MDGA2: variants seen among roughly 807,000 people sequenced by gnomAD.
The protein encoded by MDGA2 is MAM domain containing glycosylphosphatidylinositol anchor 2.
In MDGA2, 40 loss-of-function variants were observed where a neutral mutation model predicts 117.8. The observed-to-expected ratio is 0.34, with a 90% CI of 0.26 to 0.44. The LOEUF (loss-of-function observed/expected upper bound fraction) is 0.44, where lower values mean the gene tolerates loss of function less well. MDGA2 is among the 20% of genes least tolerant of loss of function. The probability of loss-of-function intolerance (pLI) is 1.00; values close to 1 mark genes in which losing one functional copy is unlikely to be tolerated. For missense variants in MDGA2, 1,123 were observed against 1,250.6 expected (o/e 0.90, Z 1.54); for synonymous variants, 452 against 439.0 (o/e 1.03, Z -0.37).
In MDGA2 at chr14:46,970,133, TCTATAGATTCAAAGCAGTCCTTACAAA is replaced by T. The variant is rs1886207416; in HGVS notation, c.1820-12517_1820-12491del. On this transcript the variant is annotated intron_variant, in intron 8 of 16. Transcript: ENST00000399232. ...AAAATGATTCTACTGCCCAAAGCAA[TCTATAGATTCAAAGCAGTCCTTACAAA>T]AATGTCAATATCATTTTTCACAGAA... 2.6e-5 allele frequency among the ~76,000 whole-genome samples: 4 copies of T among 151,752 alleles called. No individual in the cohort carries two copies. The South Asian group carries it at 8.3e-4, about 32-fold the overall frequency.
chr14:47,480,054 C>G (rs141247655), intron 1 of MDGA2, among the ~76,000 whole-genome samples: 1 of 147,238 alleles, frequency 6.8e-6, no homozygotes, highest in East Asian at 2.1e-4. Context: ...GCACAAATAT[C>G]ATAAATAATG....
rs1209073363 is a variant in MDGA2, at chr14:46,963,107, T to C, written c.1820-5464A>G. Reference sequence around the variant, plus strand: ...TTCTGTGTATTATATATAATTTGGGTTTGGGGTATGTGAATTGATGGTTAA... The same window carrying C: ...TTCTGTGTATTATATATAATTTGGGCTTGGGGTATGTGAATTGATGGTTAA... On this transcript the variant is annotated intron_variant, in intron 8 of 16. Coordinates refer to ENST00000399232, the MANE Select transcript of MDGA2 (RefSeq NM_001113498.3). Among the ~76,000 whole-genome samples the C allele has an allele frequency of 2.6e-5, 4 of 152,104 alleles. No individual in the cohort carries two copies. The East Asian group carries it at 7.7e-4, about 29-fold the overall frequency.
At chr14:47,645,436 G>C (rs1164781172) in intron 1 of MDGA2, among the ~76,000 whole-genome samples, 1 of 151,086 alleles carries the variant, frequency 6.6e-6, no homozygotes, top group East Asian at 2.0e-4. Flanking sequence ...GAGTTTCACC[G>C]TGTTAGCCAG....
intron 1 of MDGA2, among the ~76,000 whole-genome samples, chr14:47,342,282 A>ATATATATATATAT (rs1566746810): frequency 6.5e-5 from 9 of 138,674 alleles, no homozygotes; most frequent in African/African-American, 1.8e-4. Flanking sequence ...ATATATATAT[A>ATATATATATATAT]AAATATGTTA....
intron 8 of MDGA2, among the ~76,000 whole-genome samples, chr14:47,018,302 A>T (rs1046524477): frequency 6.6e-6 from 1 of 152,152 alleles, no homozygotes. Context: ...CTAGTGGCTT[A>T]GCACTAAGGA....
chr14:47,005,338 C>A (rs1887673390), intron 8 of MDGA2, among the ~76,000 whole-genome samples: 1 of 151,496 alleles, frequency 6.6e-6, no homozygotes, highest in Non-Finnish European at 1.5e-5. Context: ...TGGATTTCAA[C>A]AAATTTTGGG....
intron 3 of MDGA2, among the ~76,000 whole-genome samples, chr14:47,204,322 T>C (rs1412339493): frequency 1.3e-5 from 2 of 152,002 alleles, no homozygotes; most frequent in African/African-American, 4.8e-5. Context: ...ATGATTTTAT[T>C]ATAAAGTTAT....
chr14:47,127,881 T>C (rs529772581), intron 5 of MDGA2, among the ~76,000 whole-genome samples: 1 of 152,190 alleles, frequency 6.6e-6, no homozygotes, highest in South Asian at 2.1e-4. Context: ...TTCCTGGTAA[T>C]CTTCCCCTTT....
chr14:47,000,379 A>ATATT (rs796871718), intron 8 of MDGA2, among the ~76,000 whole-genome samples: 9,300 of 84,080 alleles, frequency 0.11, 536 homozygotes, highest in Admixed American at 0.27. Context: ...ATATATATTT[A>ATATT]TATATATATA....
intron 8 of MDGA2, among the ~76,000 whole-genome samples, chr14:46,977,033 T>C (rs1352032941): frequency 6.6e-6 from 1 of 151,976 alleles, no homozygotes; most frequent in African/African-American, 2.4e-5. Context: ...ATGTTACTAA[T>C]GACATGGAGA....
rs537890509 is a variant in MDGA2, at chr14:46,900,245, C to G, written c.2239-18024G>C. Among the ~76,000 whole-genome samples, 3 of 152,192 alleles carry G rather than the reference C, an allele frequency of 2.0e-5. No homozygotes were observed. In the South Asian group the frequency reaches 6.2e-4, roughly 32 times the overall value. Reference sequence around the variant, plus strand: ...AAACATATACAGAAAGTGGCTCACTCATATATTTCTAGTGGGAATGAAAAG... The same window carrying G: ...AAACATATACAGAAAGTGGCTCACTGATATATTTCTAGTGGGAATGAAAAG... On this transcript the variant is annotated intron_variant, in intron 10 of 16. Transcript: ENST00000399232.
At chr14:47,539,461 G>A (rs1269358365) in intron 1 of MDGA2, among the ~76,000 whole-genome samples, 2 of 152,138 alleles carry the variant, frequency 1.3e-5, no homozygotes, top group Admixed American at 6.5e-5. Flanking sequence ...ATAATGAAGG[G>A]TGGCTATGGA....
At chr14:47,654,918 A>C (rs1897715630) in intron 1 of MDGA2, among the ~76,000 whole-genome samples, 1 of 152,134 alleles carries the variant, frequency 6.6e-6, no homozygotes, top group East Asian at 1.9e-4. Context: ...ATGTTGGATA[A>C]GAGAGGCATT....
intron 9 of MDGA2, among the ~76,000 whole-genome samples, chr14:46,948,404 G>A (rs1336733003): frequency 6.6e-5 from 10 of 151,886 alleles, no homozygotes; most frequent in Non-Finnish European, 1.2e-4. Flanking sequence ...GCTTCAGGAC[G>A]GAGAGATCTG....
At position 47,053,227 on chromosome 14, in the gene MDGA2, C is replaced by T. The variant is rs569091938; in HGVS notation, c.1525+8022G>A. ...ACAGTTTCTTCTTTTTTTATCATCT[C>T]CTTGGACAGTAATAGCTTTGCTTCT... On this transcript the variant is annotated intron_variant, in intron 7 of 16. Coordinates refer to ENST00000399232, the MANE Select transcript of MDGA2 (RefSeq NM_001113498.3). 1.8e-4 allele frequency among the ~76,000 whole-genome samples: 28 copies of T among 151,880 alleles called. No individual in the cohort carries two copies. In the South Asian group the frequency reaches 5.8e-3, roughly 31 times the overall value.
At chr14:47,139,675 A>G (rs928166182) in intron 4 of MDGA2, among the ~76,000 whole-genome samples, 1 of 151,158 alleles carries the variant, frequency 6.6e-6, no homozygotes, top group Non-Finnish European at 1.5e-5. Flanking sequence ...TTTTTTCATT[A>G]TAGAGTACAC....
chr14:47,543,859 G>A (rs567715092), intron 1 of MDGA2, among the ~76,000 whole-genome samples: 1 of 152,228 alleles, frequency 6.6e-6, no homozygotes, highest in African/African-American at 2.4e-5. Context: ...GAAGAGCAGG[G>A]GTCGGTTTCT....
chr14:46,912,219 C>T (rs1883732886), intron 10 of MDGA2, among the ~76,000 whole-genome samples: 2 of 152,128 alleles, frequency 1.3e-5, no homozygotes, highest in South Asian at 2.1e-4. Context: ...AGCAAATTTG[C>T]ATTTTCATAT....
chr14:47,438,454 G>A (rs985392903), intron 1 of MDGA2, among the ~76,000 whole-genome samples: 1 of 152,130 alleles, frequency 6.6e-6, no homozygotes, highest in Non-Finnish European at 1.5e-5. Context: ...TTACATACGT[G>A]AGAAATGGGA....
Sources: gnomAD v4.1 joint callset for allele counts (sites outside exome capture counted in the v4.1 genomes callset) on GRCh38, gnomAD v4.1.1 for gene constraint, MANE v1.5 for transcripts, NCBI Gene and HGNC (gene_info 2026-07-23, HGNC 2026-07-21) for gene names.